Variants in NR2C2 observed in about 807,000 individuals in gnomAD.
NR2C2 encodes the protein nuclear receptor subfamily 2 group C member 2.
In NR2C2, 6 loss-of-function variants were observed where a neutral mutation model predicts 62.9. That is an observed-to-expected ratio of 0.10 (90% confidence interval 0.05 to 0.19). NR2C2 has a LOEUF of 0.19. NR2C2 is among the 10% of genes least tolerant of loss of function. The pLI is 1.00. For synonymous variants in NR2C2, 272 were observed against 273.8 expected, an observed-to-expected ratio of 0.99 and a Z score of 0.07; for missense variants, 479 against 762.7, an observed-to-expected ratio of 0.63 and a Z score of 4.38.
intron 1 of NR2C2, among the ~76,000 whole-genome samples, chr3:14,955,150 C>G (rs974100772): frequency 5.9e-5 from 9 of 151,986 alleles, no homozygotes; most frequent in Non-Finnish European, 1.3e-4. Flanking sequence ...CCTTTTGTAT[C>G]TGCGTGTTGT....
At chr3:15,024,057 G>A in intron 6 of NR2C2, 58 bp from the exon 7 acceptor site, 1 of 1,165,074 alleles carries the variant, frequency 8.6e-7, no homozygotes, top group Non-Finnish European at 1.3e-6. Context: ...AATGCAGCAT[G>A]ATCATACTGT....
chr3:14,995,172 T>A (rs140779641), intron 1 of NR2C2, among the ~76,000 whole-genome samples: 2,633 of 151,348 alleles, frequency 0.017, 31 homozygotes, highest in Middle Eastern at 0.027. Flanking sequence ...CTAGTTTTTT[T>A]AATTTTTTAA....
At chr3:14,986,551 T>C (rs1333874394) in intron 1 of NR2C2, among the ~76,000 whole-genome samples, 1 of 152,210 alleles carries the variant, frequency 6.6e-6, no homozygotes, top group Admixed American at 6.5e-5. Context: ...TGTGCCAAAA[T>C]GATTTCTTAC....
At chr3:15,022,963 T>G (rs933459432) in intron 5 of NR2C2, among the ~76,000 whole-genome samples, 1 of 152,012 alleles carries the variant, frequency 6.6e-6, no homozygotes, top group Admixed American at 6.6e-5. Flanking sequence ...TGTGCTGCAG[T>G]TTTTTTTAGC....
At chr3:14,951,584 G>A (rs574612021) in intron 1 of NR2C2, among the ~76,000 whole-genome samples, 2 of 152,066 alleles carry the variant, frequency 1.3e-5, no homozygotes, top group Non-Finnish European at 1.5e-5. Context: ...AGAACTGCTA[G>A]TTTAGTAAAA....
At chr3:14,992,136 A>C (rs1435213428) in intron 1 of NR2C2, among the ~76,000 whole-genome samples, 2 of 152,072 alleles carry the variant, frequency 1.3e-5, no homozygotes, top group Non-Finnish European at 2.9e-5. Context: ...AACGTCAGAA[A>C]TTTTTCCTGA....
intron 1 of NR2C2, among the ~76,000 whole-genome samples, chr3:14,949,085 C>T (rs996912300): frequency 2.0e-5 from 3 of 152,314 alleles, no homozygotes; most frequent in Non-Finnish European, 2.9e-5. Flanking sequence ...TCTTCTCATT[C>T]GTTCGCTGAA....
rs115305781 is a variant in NR2C2 at position 15,037,996 on chromosome 3, C to G, written c.1373-4C>G. On this transcript the variant is annotated splice_region_variant and splice_polypyrimidine_tract_variant and intron_variant, in intron 11 of 13. Coordinates refer to ENST00000425241, the MANE Select transcript of NR2C2 (RefSeq NM_001291694.2). ...TTCTCAGGATCTGTGATGTTGGTTT[C>G]TAGATAAACTTTCTGGTGACCGGAT... 1.1e-4 allele frequency: 172 copies of G among 1,612,138 alleles called. No individual in the cohort carries two copies. In the African/African-American group the frequency reaches 1.9e-3, roughly 18 times the overall value.
chr3:15,027,334 AT>A (rs2041852072), intron 7 of NR2C2, among the ~76,000 whole-genome samples: 1 of 152,194 alleles, frequency 6.6e-6, no homozygotes, highest in African/African-American at 2.4e-5. Context: ...ACCACATTTT[AT>A]TTATCCATTA....
chr3:14,962,540 GAA>G (rs2125251267), intron 1 of NR2C2: 1 of 152,308 alleles, frequency 6.6e-6, no homozygotes, highest in South Asian at 2.1e-4. Flanking sequence ...ACTTTCGAAA[GAA>G]AAGAAAAATC....
At chr3:14,993,775 T>C (rs1026476812) in intron 1 of NR2C2, among the ~76,000 whole-genome samples, 1 of 152,222 alleles carries the variant, frequency 6.6e-6, no homozygotes, top group African/African-American at 2.4e-5. Context: ...AGGGAGCCCA[T>C]TGCCAGTGTG....
intron 1 of NR2C2, among the ~76,000 whole-genome samples, chr3:15,001,698 C>G (rs192774705): frequency 6.6e-6 from 1 of 152,186 alleles, no homozygotes; most frequent in East Asian, 1.9e-4. Flanking sequence ...CTCACTGCAA[C>G]CTAGAACAAC....
intron 1 of NR2C2, among the ~76,000 whole-genome samples, chr3:14,997,354 A>G (rs1182905525): frequency 1.3e-5 from 2 of 152,256 alleles, no homozygotes; most frequent in Non-Finnish European, 2.9e-5. Context: ...TTCTCAGAAC[A>G]TATTCCTGTC....
At chr3:14,950,083 A>G (rs2039304181) in intron 1 of NR2C2, among the ~76,000 whole-genome samples, 1 of 152,196 alleles carries the variant, frequency 6.6e-6, no homozygotes, top group African/African-American at 2.4e-5. Context: ...CATGTAGCAA[A>G]TACTGTGTAA....
chr3:15,038,887 G>A (rs2042176548), intron 12 of NR2C2: 3 of 493,474 alleles, frequency 6.1e-6, no homozygotes, highest in Non-Finnish European at 1.1e-5. Flanking sequence ...ATCATGTGGG[G>A]CTGTTCAGAC....
At chr3:15,010,952 G>T (rs1276457387) in intron 2 of NR2C2, among the ~76,000 whole-genome samples, 1 of 152,128 alleles carries the variant, frequency 6.6e-6, no homozygotes, top group Non-Finnish European at 1.5e-5. Context: ...TACTAGTGTT[G>T]CCTTGGTTTT....
chr3:14,950,814 G>A (rs901376389), intron 1 of NR2C2, among the ~76,000 whole-genome samples: 1 of 152,106 alleles, frequency 6.6e-6, no homozygotes, highest in Non-Finnish European at 1.5e-5. Context: ...AATTTATGAT[G>A]TCACTGATAA....
intron 1 of NR2C2, among the ~76,000 whole-genome samples, chr3:14,978,183 G>A (rs919860627): frequency 6.6e-6 from 1 of 152,160 alleles, no homozygotes; most frequent in Non-Finnish European, 1.5e-5. Context: ...CACCCACACC[G>A]TAAGCTTCAG....
intron 1 of NR2C2, among the ~76,000 whole-genome samples, chr3:14,987,185 C>T (rs1481409052): frequency 2.0e-5 from 3 of 152,164 alleles, no homozygotes; most frequent in Admixed American, 2.0e-4. Flanking sequence ...TGGGCTCAAG[C>T]AATCCTCCCA....
Sources: allele counts gnomAD v4.1 joint callset (sites outside exome capture counted in the v4.1 genomes callset), GRCh38; gene constraint gnomAD v4.1.1; transcripts MANE v1.5; gene names NCBI Gene and HGNC (gene_info 2026-07-23, HGNC 2026-07-21).